SRRM1: variants seen among roughly 807,000 people sequenced by gnomAD.
SRRM1 encodes the protein serine/arginine repetitive matrix protein 1.
Under a neutral mutation model 110.2 loss-of-function variants are expected in SRRM1, and 19 were observed. The observed-to-expected ratio is 0.17, with a 90% CI of 0.12 to 0.25. The LOEUF (loss-of-function observed/expected upper bound fraction) is 0.25, where lower values mean the gene tolerates loss of function less well. Ranked by LOEUF, SRRM1 falls within the 10% of genes least tolerant of loss-of-function variation. SRRM1 has a pLI of 1.00. For missense variants in SRRM1, 918 were observed against 1,145.8 expected, an observed-to-expected ratio of 0.80 and a Z score of 2.87; for synonymous variants, 443 against 414.9, an observed-to-expected ratio of 1.07 and a Z score of -0.82.
intron 16 of SRRM1, 98 bp downstream of exon 16, chr1:24,671,693 T>C (rs550117598): frequency 1.9e-6 from 2 of 1,068,160 alleles, no homozygotes; most frequent in African/African-American, 3.2e-5. Flanking sequence ...TTCTACTAAT[T>C]AGCCAGTTAC....
At chr1:24,651,660 T>C (rs1222291326) in intron 6 of SRRM1, 48 bp downstream of exon 6, 1 of 1,366,860 alleles carries the variant, frequency 7.3e-7, no homozygotes, top group Non-Finnish European at 1.0e-6. Context: ...TTTAGATTAA[T>C]AGTGACTGCA....
chr1:24,646,545 C>T, intron 2 of SRRM1, 122 bp from the exon 3 acceptor site: 1 of 712,218 alleles, frequency 1.4e-6, no homozygotes, highest in Non-Finnish European at 2.2e-6. Flanking sequence ...AAAAAATTAG[C>T]AGATTCTACT....
In SRRM1 at chr1:24,661,365, A is replaced by G. The variant is rs771937156; in HGVS notation, c.1452A>G (p.Gln484=). 22 of 1,613,526 alleles carry G rather than the reference A, an allele frequency of 1.4e-5. No homozygotes were observed. Among genetic ancestry groups the G allele is most frequent in the Admixed American group, 6.7e-5 (4 of 59,962 alleles). The change falls in exon 11 of 17, where the codon CAA becomes CAG. Residue 484 remains glutamine, a synonymous_variant. Coordinates refer to ENST00000323848, the MANE Select transcript of SRRM1 (RefSeq NM_005839.4). ...AAADSVQQRR[Q]YRRQNQQSSS... ...CAGATTCTGTGCAGCAGAGACGCCA[A>G]TACAGACGACAAAACCAGCAGTCTT...
At position 24,672,734 on chromosome 1, in the gene SRRM1, G is replaced by T. The variant is rs1673297966; in HGVS notation, c.*448G>T. The T allele has an allele frequency of 7.2e-5, 11 of 152,548 alleles. No homozygotes were observed. In the Admixed American group the frequency reaches 7.2e-4, roughly 10 times the overall value. The allele number at this position is 152,548 out of a possible 1,614,324, so 9.4% of individuals were successfully genotyped here. ...CTGACCTTGTATGGTCTGTAAGCTT[G>T]CCCAGAAATAAGACCACTGTTTTGA... On this transcript the variant is annotated 3_prime_UTR_variant, in exon 17 of 17. Transcript: ENST00000323848.
chr1:24,662,668 T>A lies in SRRM1; in HGVS notation c.1492T>A (p.Ser498Thr), dbSNP rs41268775. The change falls in exon 12 of 17, where the codon TCC becomes ACC. Residue 498 changes from serine to threonine, a missense_variant. Ser to Thr is a moderately conservative substitution (Grantham distance 58). This residue lies in a region of SRRM1 where 357 missense variants were observed against 402.9 expected (regional missense o/e 0.89). Transcript: ENST00000323848. ...TAATTTTGTAATTATAGACTCTGGC[T>A]CCTCCTCCTCCTCAGAAGATGAACG... The part of the protein sequence containing the change: ...QNQQSSSDSG[S>T]SSSSEDERPK... 5.2e-3 allele frequency: 8,361 copies of A among 1,608,416 alleles called. 32 individuals are homozygous for A. The highest frequency in any genetic ancestry group is 5.4e-3 in the Non-Finnish European group (6,341 of 1,175,516).
At position 24,664,224 on chromosome 1, in the gene SRRM1, A is replaced by G. The variant is rs1402979888; in HGVS notation, c.1628+1420A>G. Among the ~76,000 whole-genome samples, 3 of 152,148 alleles carry G rather than the reference A, an allele frequency of 2.0e-5. No individual in the cohort carries two copies. The East Asian group carries it at 5.8e-4, about 30-fold the overall frequency. On this transcript the variant is annotated intron_variant, in intron 12 of 16. Transcript: ENST00000323848. ...TTGGCCAGGATGGTCTCAAACTCCT[A>G]AAGTCAGGTGATCCACCCGCCTCGG... is the stretch of plus-strand genomic sequence containing the variant.
intron 11 of SRRM1, 74 bp downstream of exon 11, chr1:24,661,470 G>GT: frequency 9.4e-7 from 1 of 1,067,266 alleles, no homozygotes; most frequent in South Asian, 1.4e-5. Flanking sequence ...AAACATCTGT[G>GT]TGTGCAGCAT....
chr1:24,665,672 C>G (rs1053526786), intron 12 of SRRM1, among the ~76,000 whole-genome samples: 3 of 152,148 alleles, frequency 2.0e-5, no homozygotes, highest in African/African-American at 7.2e-5. Context: ...CAGATCGTGC[C>G]AGTGCACTCC....
At chr1:24,661,118 T>G (rs975887770) in intron 10 of SRRM1, 192 bp from the exon 11 acceptor site, 8 of 551,130 alleles carry the variant, frequency 1.5e-5, no homozygotes, top group Non-Finnish European at 2.6e-5. Flanking sequence ...TAAATAAATT[T>G]TATTATATTT....
At chr1:24,667,376 T>G (rs1343049007) in intron 13 of SRRM1, among the ~76,000 whole-genome samples, 1 of 152,164 alleles carries the variant, frequency 6.6e-6, no homozygotes, top group Non-Finnish European at 1.5e-5. Flanking sequence ...TGTTAATACA[T>G]TAAAAGATGG....
At chr1:24,651,969 T>C (rs1425834560) in intron 6 of SRRM1, among the ~76,000 whole-genome samples, 1 of 145,142 alleles carries the variant, frequency 6.9e-6, no homozygotes, top group African/African-American at 2.5e-5. Context: ...GGTGGATCGC[T>C]TGAGCTCACA....
chr1:24,666,498 A>G, intron 12 of SRRM1: 1 of 253,158 alleles, frequency 4.0e-6, no homozygotes, highest in South Asian at 4.2e-5. Flanking sequence ...GTGGTAACTC[A>G]CACCTATAAT....
At chr1:24,666,790 TTAAC>T (rs1408292100) in intron 12 of SRRM1, 21 bp from the exon 13 acceptor site, 2 of 1,590,658 alleles carry the variant, frequency 1.3e-6, no homozygotes, top group African/African-American at 1.4e-5. Context: ...AGAAAAAAAA[TTAAC>T]TATAATTCTT....
intron 5 of SRRM1, 110 bp downstream of exon 5, chr1:24,650,196 A>C: frequency 8.9e-7 from 1 of 1,117,770 alleles, no homozygotes; most frequent in Admixed American, 3.8e-5. Flanking sequence ...TTGTTCCATC[A>C]TGCAGTTTTC....
At chr1:24,662,832 C>G (rs376748338) in intron 12 of SRRM1, 28 bp downstream of exon 12, 2 of 1,609,944 alleles carry the variant, frequency 1.2e-6, no homozygotes, top group Non-Finnish European at 1.7e-6. Context: ...GTGATGTTCA[C>G]TGATGTTCTG....
At chr1:24,668,788 C>T (rs1671315858) in intron 13 of SRRM1, among the ~76,000 whole-genome samples, 1 of 152,298 alleles carries the variant, frequency 6.6e-6, no homozygotes, top group South Asian at 2.1e-4. Flanking sequence ...TCAGTTAATA[C>T]AGTGCAAGAT....
intron 11 of SRRM1, 102 bp from the exon 12 acceptor site, chr1:24,662,558 C>T: frequency 8.8e-7 from 1 of 1,133,650 alleles, no homozygotes; most frequent in Admixed American, 2.2e-5. Context: ...TGTATACATG[C>T]TTGCTTACCC....
chr1:24,663,906 AATAATAAT>A, intron 12 of SRRM1, among the ~76,000 whole-genome samples: 1 of 143,784 alleles, frequency 7.0e-6, no homozygotes, highest in South Asian at 2.2e-4. Context: ...TAATAATAAT[AATAATAAT>A]AAATAAAAGC....
chr1:24,651,480 C>T lies in SRRM1; in HGVS notation c.593C>T (p.Ser198Phe). The T allele has an allele frequency of 6.2e-7, 1 of 1,614,176 alleles. No individual in the cohort carries two copies. The highest frequency in any genetic ancestry group is 8.5e-7 in the Non-Finnish European group (1 of 1,180,034). ...PVRRERKRSH[S>F]RSPRHRTKSR... ...AGGAGAGAGAGAAAGCGCAGTCATTCTCGATCTCCCCGTCACAGAACCAAG... is the reference window on the plus strand; with the variant it reads ...AGGAGAGAGAGAAAGCGCAGTCATTTTCGATCTCCCCGTCACAGAACCAAG... The change falls in exon 6 of 17, where the codon TCT (serine) becomes TTT (phenylalanine). Residue 198 changes from serine to phenylalanine, a missense_variant. Physicochemically the swap from Ser to Phe is radical, Grantham distance 155 (BLOSUM62 -2). This residue lies in a region of SRRM1 where 456 missense variants were observed against 453.5 expected (regional missense o/e 1.01). Coordinates refer to ENST00000323848, the MANE Select transcript of SRRM1 (RefSeq NM_005839.4).
Sources: gnomAD v4.1 joint callset for allele counts (sites outside exome capture counted in the v4.1 genomes callset) on GRCh38, gnomAD v4.1.1 for gene constraint, gnomAD v4.1.1 regional missense constraint, MANE v1.5 for transcripts, NCBI Gene and HGNC (gene_info 2026-07-23, HGNC 2026-07-21) for gene names.